Variants in ATXN7L1 observed in about 807,000 individuals in gnomAD.
ATXN7L1 encodes the protein ataxin-7-like protein 1.
Under a neutral mutation model 70.8 loss-of-function variants are expected in ATXN7L1, and 15 were observed. That is an observed-to-expected ratio of 0.21 (90% CI 0.14 to 0.33). The LOEUF (loss-of-function observed/expected upper bound fraction) is 0.33. ATXN7L1 is among the 10% of genes least tolerant of loss of function. The pLI is 1.00. For synonymous variants in ATXN7L1, 440 were observed against 445.1 expected (o/e 0.99, Z 0.14); for missense variants, 975 against 1,097.1 (o/e 0.89, Z 1.57).
chr7:105,675,113 G>GA (rs1048678454), intron 3 of ATXN7L1, among the ~76,000 whole-genome samples: 1 of 149,542 alleles, frequency 6.7e-6, no homozygotes, highest in African/African-American at 2.5e-5. Context: ...ATCCCAAAGG[G>GA]AAAAAAAAAG....
At chr7:105,692,417 CCTTCCTT>C (rs1408283882) in intron 3 of ATXN7L1, among the ~76,000 whole-genome samples, 62 of 134,914 alleles carry the variant, frequency 4.6e-4, no homozygotes, top group South Asian at 1.8e-3. Context: ...TTCCTTCCTT[CCTTCCTT>C]CCTCCCTCCC....
chr7:105,837,020 TG>T (rs1312439305), intron 2 of ATXN7L1, among the ~76,000 whole-genome samples: 2 of 152,174 alleles, frequency 1.3e-5, no homozygotes, highest in African/African-American at 2.4e-5. Context: ...GCTCGGCTTC[TG>T]GGGAGGCCTC....
chr7:105,722,055 G>A (rs1795245625), intron 3 of ATXN7L1, among the ~76,000 whole-genome samples: 2 of 152,186 alleles, frequency 1.3e-5, no homozygotes, highest in African/African-American at 4.8e-5. Flanking sequence ...TTCTAATTTA[G>A]TTGCCTGTCC....
chr7:105,743,891 A>T (rs1584901079), intron 3 of ATXN7L1, among the ~76,000 whole-genome samples: 2 of 152,222 alleles, frequency 1.3e-5, no homozygotes, highest in African/African-American at 4.8e-5. Flanking sequence ...TTAATCAAGT[A>T]TCAATCACTG....
chr7:105,777,406 C>A (rs977684631), intron 3 of ATXN7L1, among the ~76,000 whole-genome samples: 1 of 152,156 alleles, frequency 6.6e-6, no homozygotes, highest in Non-Finnish European at 1.5e-5. Context: ...GCTAACTTAG[C>A]GACCTCTTCT....
chr7:105,674,118 G>C (rs1334094422), intron 3 of ATXN7L1, among the ~76,000 whole-genome samples: 1 of 152,206 alleles, frequency 6.6e-6, no homozygotes, highest in Non-Finnish European at 1.5e-5. Context: ...CTTAAGCAAA[G>C]GTTATGCTAG....
intron 2 of ATXN7L1, among the ~76,000 whole-genome samples, chr7:105,794,547 G>A (rs184729523): frequency 5.7e-4 from 87 of 152,306 alleles, no homozygotes; most frequent in East Asian, 1.9e-4. Flanking sequence ...TTCCTGGCTC[G>A]ATTTCTCCAG....
chr7:105,859,782 CTTTTT>C (rs34111825), intron 2 of ATXN7L1, among the ~76,000 whole-genome samples: 1 of 94,142 alleles, frequency 1.1e-5, no homozygotes, highest in Non-Finnish European at 2.2e-5. Context: ...TTCTTTCTTT[CTTTTT>C]TTTTTTTTTT....
intron 2 of ATXN7L1, among the ~76,000 whole-genome samples, chr7:105,805,310 G>A (rs78965053): frequency 0.077 from 11,678 of 152,244 alleles, 642 homozygotes; most frequent in East Asian, 0.26. Flanking sequence ...TTAGTGCTGT[G>A]GGGTGGGAAG....
intron 2 of ATXN7L1, among the ~76,000 whole-genome samples, chr7:105,795,613 C>T (rs1299152286): frequency 1.3e-5 from 2 of 152,172 alleles, no homozygotes; most frequent in Non-Finnish European, 2.9e-5. Flanking sequence ...CTAAATAAGG[C>T]TTGATTCCTC....
chr7:105,685,803 T>C (rs1243931966), intron 3 of ATXN7L1, among the ~76,000 whole-genome samples: 1 of 152,186 alleles, frequency 6.6e-6, no homozygotes, highest in African/African-American at 2.4e-5. Context: ...GGCTCTGACA[T>C]TCTCAGGGCA....
chr7:105,642,713 A>T (rs1379312912), intron 5 of ATXN7L1, 125 bp downstream of exon 5: 1 of 1,219,364 alleles, frequency 8.2e-7, no homozygotes, highest in East Asian at 2.6e-5. Context: ...TTTGCAGGTA[A>T]ACTCTGCATC....
intron 3 of ATXN7L1, among the ~76,000 whole-genome samples, chr7:105,775,601 C>T (rs906271307): frequency 3.3e-5 from 5 of 151,956 alleles, no homozygotes; most frequent in Non-Finnish European, 7.4e-5. Flanking sequence ...GGGTGGGAGG[C>T]GAAAATCCTG....
At chr7:105,692,187 A>T (rs915272123) in intron 3 of ATXN7L1, among the ~76,000 whole-genome samples, 1 of 152,162 alleles carries the variant, frequency 6.6e-6, no homozygotes, top group African/African-American at 2.4e-5. Flanking sequence ...GTGTCACATG[A>T]CACACTGCGG....
chr7:105,686,239 GTCACAGTGGC>G (rs1806172292), intron 3 of ATXN7L1, among the ~76,000 whole-genome samples: 1 of 152,202 alleles, frequency 6.6e-6, no homozygotes, highest in Admixed American at 6.5e-5. Context: ...TTAAGGGCCA[GTCACAGTGGC>G]TCATGCCTGT....
chr7:105,826,612 A>G (rs1315510552), intron 2 of ATXN7L1, among the ~76,000 whole-genome samples: 1 of 152,236 alleles, frequency 6.6e-6, no homozygotes, highest in African/African-American at 2.4e-5. Context: ...AATTGTGACT[A>G]TTTTGCAGAA....
In ATXN7L1 at chr7:105,665,168, C is replaced by T. The variant is rs1335985930; in HGVS notation, c.476G>A (p.Ser159Asn). ...KACLSGHHSA[S>N]STSKPFKTPK... ...CGTTTTGAATGGCTTTGAGGTGCTG[C>T]TGGCAGAGTGATGGCCGCTGAGACA... Residue 159 changes from serine to asparagine, a missense_variant, in exon 4 of 12, where the codon AGC becomes AAC. Physicochemically the swap from Ser to Asn is conservative, Grantham distance 46 (BLOSUM62 1). This residue lies in a region of ATXN7L1 where 192 missense variants were observed against 215.5 expected (regional missense o/e 0.89). Coordinates refer to ENST00000419735, the MANE Select transcript of ATXN7L1 (RefSeq NM_020725.2). 6.4e-7 allele frequency: 1 copy of T among 1,551,680 alleles called. No individual in the cohort carries two copies.
At chr7:105,689,011 G>A (rs1790373056) in intron 3 of ATXN7L1, among the ~76,000 whole-genome samples, 1 of 152,202 alleles carries the variant, frequency 6.6e-6, no homozygotes, top group Non-Finnish European at 1.5e-5. Context: ...GGCAAAGTGA[G>A]GTCGCTGTTA....
At chr7:105,747,877 T>C (rs1003124516) in intron 3 of ATXN7L1, among the ~76,000 whole-genome samples, 4 of 72,898 alleles carry the variant, frequency 5.5e-5, no homozygotes, top group Non-Finnish European at 8.8e-5. Context: ...TCCCAGCACT[T>C]TGGGAGGCTG....
Sources: allele counts gnomAD v4.1 joint callset (sites outside exome capture counted in the v4.1 genomes callset), GRCh38; gene constraint gnomAD v4.1.1; regional missense constraint gnomAD v4.1.1; transcripts MANE v1.5; gene names NCBI Gene and HGNC (gene_info 2026-07-23, HGNC 2026-07-21).